The following KDM4C variants were observed in gnomAD, a reference collection of about 807,000 sequenced individuals.
KDM4C encodes lysine demethylase 4C, also known as lysine-specific demethylase 4C.
In KDM4C, 81 loss-of-function variants were observed where a neutral mutation model predicts 129.3. The observed-to-expected ratio is 0.63, with a 90% CI of 0.52 to 0.75. KDM4C has a LOEUF of 0.75. Among genes scored for constraint, KDM4C ranks in the 30% least tolerant of loss-of-function variants. The probability of loss-of-function intolerance (pLI) is 0.00; values close to 1 mark genes in which losing one functional copy is unlikely to be tolerated. For synonymous variants in KDM4C, 573 were observed against 456.1 expected (o/e 1.26, Z -3.26); for missense variants, 1,457 against 1,304.0 (o/e 1.12, Z -1.81).
intron 8 of KDM4C, among the ~76,000 whole-genome samples, chr9:6,944,334 C>A (rs1826484108): frequency 6.6e-6 from 1 of 152,170 alleles, no homozygotes. Context: ...ACTCTGTTCT[C>A]CAAATTGCTT....
chr9:7,040,211 C>G (rs1266658429), intron 15 of KDM4C, among the ~76,000 whole-genome samples: 1 of 151,996 alleles, frequency 6.6e-6, no homozygotes, highest in East Asian at 1.9e-4. Context: ...CATTTTACTT[C>G]TTCATATACT....
chr9:6,870,045 T>G (rs1212364455), intron 5 of KDM4C, among the ~76,000 whole-genome samples: 1 of 152,248 alleles, frequency 6.6e-6, no homozygotes, highest in African/African-American at 2.4e-5. Flanking sequence ...CAATTGGTTA[T>G]GAGTATGCTT....
At chr9:6,938,434 G>T (rs531363079) in intron 8 of KDM4C, among the ~76,000 whole-genome samples, 15 of 152,146 alleles carry the variant, frequency 9.9e-5, no homozygotes, top group Non-Finnish European at 1.9e-4. Context: ...TGCTCCTACT[G>T]TCCAAACTCT....
chr9:6,896,071 TTCTA>T (rs933044136), intron 8 of KDM4C, among the ~76,000 whole-genome samples: 4 of 152,210 alleles, frequency 2.6e-5, no homozygotes, highest in African/African-American at 9.7e-5. Flanking sequence ...TATATGTAGT[TTCTA>T]ATCCCTGGCA....
intron 15 of KDM4C, among the ~76,000 whole-genome samples, chr9:7,043,637 G>A (rs929077825): frequency 6.6e-6 from 1 of 151,624 alleles, no homozygotes; most frequent in African/African-American, 2.4e-5. Flanking sequence ...GAGGGCCATT[G>A]AGTCAAACAA....
intron 17 of KDM4C, among the ~76,000 whole-genome samples, chr9:7,058,490 C>G (rs1831182044): frequency 6.6e-6 from 1 of 152,170 alleles, no homozygotes; most frequent in African/African-American, 2.4e-5. Context: ...TCTCAAAATT[C>G]TTGAAGATCT....
At chr9:6,767,125 C>G (rs970014137) in intron 1 of KDM4C, among the ~76,000 whole-genome samples, 19 of 151,088 alleles carry the variant, frequency 1.3e-4, no homozygotes, top group Non-Finnish European at 2.4e-4. Context: ...ATCTATTTAA[C>G]TTTCTTTTTT....
intron 17 of KDM4C, among the ~76,000 whole-genome samples, chr9:7,061,945 G>C (rs1427164215): frequency 6.6e-6 from 1 of 152,176 alleles, no homozygotes; most frequent in Non-Finnish European, 1.5e-5. Context: ...AGTATCTTTG[G>C]CAAGTCCTGG....
chr9:7,099,630 A>G (rs528464830), intron 17 of KDM4C, among the ~76,000 whole-genome samples: 1 of 152,364 alleles, frequency 6.6e-6, no homozygotes, highest in South Asian at 2.1e-4. Context: ...TGGTTCTCAA[A>G]GTGTGAGCTG....
chr9:7,173,618 G>C (rs1845171468), intron 21 of KDM4C, among the ~76,000 whole-genome samples: 1 of 152,194 alleles, frequency 6.6e-6, no homozygotes, highest in Non-Finnish European at 1.5e-5. Context: ...AAGGCTGAAG[G>C]GCTTCAAGGT....
chr9:7,052,035 C>G (rs72703359), intron 17 of KDM4C, among the ~76,000 whole-genome samples: 1,732 of 152,188 alleles, frequency 0.011, 13 homozygotes, highest in Non-Finnish European at 0.017. Context: ...AAGATATAGA[C>G]AGAAAGAGAA....
chr9:6,762,124 G>T (rs1470185945), intron 1 of KDM4C, among the ~76,000 whole-genome samples: 1 of 151,938 alleles, frequency 6.6e-6, no homozygotes, highest in Non-Finnish European at 1.5e-5. Flanking sequence ...TATACTTTAA[G>T]TTCTAGGGTA....
Position 6,817,801 on chromosome 9 carries a change from CTG to C in KDM4C, c.435+3058_435+3059del, listed in dbSNP as rs551555943. ...TTTTTTTTTGAGACAGAGTCTCACT[CTG>C]TAGCCCAGGCTGGAGTGCAGTGGCG... On this transcript the variant is annotated intron_variant, in intron 4 of 21. Coordinates refer to ENST00000381309, the MANE Select transcript of KDM4C (RefSeq NM_015061.6). 7.6e-5 allele frequency among the ~76,000 whole-genome samples: 10 copies of C among 132,140 alleles called. No individual in the cohort carries two copies. In the East Asian group the frequency reaches 1.8e-3, roughly 24 times the overall value. The allele number at this position is 132,140 out of a possible 152,430, so 86.7% of individuals were successfully genotyped here. A position where few individuals can be genotyped will look rare whatever the true frequency, so the allele number is the denominator to read the frequency against.
At chr9:6,867,802 G>A (rs1419459308) in intron 5 of KDM4C, among the ~76,000 whole-genome samples, 2 of 152,146 alleles carry the variant, frequency 1.3e-5, no homozygotes, top group African/African-American at 2.4e-5. Context: ...CTTACTAACA[G>A]TTGACACACA....
At chr9:6,798,330 T>G (rs12002732) in intron 2 of KDM4C, among the ~76,000 whole-genome samples, 5,055 of 151,056 alleles carry the variant, frequency 0.033, 261 homozygotes, top group African/African-American at 0.12. Context: ...AGGACAATAG[T>G]GGAGGGAAGG....
chr9:6,915,244 G>C (rs1820092131), intron 8 of KDM4C, among the ~76,000 whole-genome samples: 1 of 152,166 alleles, frequency 6.6e-6, no homozygotes, highest in Non-Finnish European at 1.5e-5. Context: ...TCTTTCTACT[G>C]TTTAGGTTTT....
At chr9:6,828,297 A>G (rs1413308815) in intron 4 of KDM4C, among the ~76,000 whole-genome samples, 1 of 151,886 alleles carries the variant, frequency 6.6e-6, no homozygotes, top group East Asian at 2.0e-4. Context: ...ACAGGAGCCC[A>G]CCACAACGCC....
chr9:6,820,769 G>A lies in KDM4C; in HGVS notation c.435+6024G>A, dbSNP rs144938191. On this transcript the variant is annotated intron_variant, in intron 4 of 21. Transcript: ENST00000381309. Reference sequence around the variant, plus strand: ...TCAAGTTCTAGGATACATGTGCAACGTGCAGGTTTGATACATAGGTATACA... The same window carrying A: ...TCAAGTTCTAGGATACATGTGCAACATGCAGGTTTGATACATAGGTATACA... Among the ~76,000 whole-genome samples, 52 of 145,712 alleles carry A rather than the reference G, an allele frequency of 3.6e-4. No homozygotes were observed. In the East Asian group the frequency reaches 1.0e-2, roughly 28 times the overall value.
intron 18 of KDM4C, among the ~76,000 whole-genome samples, chr9:7,117,384 G>A (rs182512342): frequency 3.9e-5 from 6 of 152,124 alleles, no homozygotes; most frequent in Admixed American, 2.0e-4. Flanking sequence ...GTCAGAAATC[G>A]TTATAGGCAG....
Sources: gnomAD v4.1 joint callset for allele counts (sites outside exome capture counted in the v4.1 genomes callset) on GRCh38, gnomAD v4.1.1 for gene constraint, MANE v1.5 for transcripts, NCBI Gene and HGNC (gene_info 2026-07-23, HGNC 2026-07-21) for gene names.